The following XRCC4 variants were observed in gnomAD, a reference collection of about 807,000 sequenced individuals.
XRCC4 encodes X-ray repair cross complementing 4.
Under a neutral mutation model 39.1 loss-of-function variants are expected in XRCC4, and 28 were observed. The observed-to-expected ratio is 0.72, with a 90% CI of 0.53 to 0.98. The LOEUF is 0.98. Among genes scored for constraint, XRCC4 ranks in the 50% least tolerant of loss-of-function variants. XRCC4 has a pLI of 0.00. For synonymous variants in XRCC4, 123 were observed against 126.4 expected (o/e 0.97, Z 0.18); for missense variants, 350 against 376.4 (o/e 0.93, Z 0.58).
chr5:83,257,342 A>G (rs1480025427), intron 6 of XRCC4, among the ~76,000 whole-genome samples: 1 of 141,836 alleles, frequency 7.1e-6, no homozygotes, highest in African/African-American at 3.1e-5. Context: ...CAAAATTTAC[A>G]AGAAAAAAAA....
chr5:83,113,623 CTT>C (rs200720410), intron 3 of XRCC4, among the ~76,000 whole-genome samples: 20 of 143,990 alleles, frequency 1.4e-4, no homozygotes, highest in Admixed American at 2.8e-4. Context: ...ACATTTCTTT[CTT>C]TTTTTTTTTT....
intron 1 of XRCC4, among the ~76,000 whole-genome samples, chr5:83,079,705 T>G (rs953172071): frequency 6.6e-6 from 1 of 151,990 alleles, no homozygotes; most frequent in African/African-American, 2.4e-5. Flanking sequence ...GCTAATTTTA[T>G]TTTATTTTTT....
chr5:83,301,026 T>C (rs1271811995), intron 7 of XRCC4, among the ~76,000 whole-genome samples: 1 of 152,214 alleles, frequency 6.6e-6, no homozygotes, highest in East Asian at 1.9e-4. Context: ...TTATGAACAG[T>C]GCTGCAATAA....
chr5:83,180,953 A>C (rs917188288), intron 3 of XRCC4, among the ~76,000 whole-genome samples: 2 of 151,572 alleles, frequency 1.3e-5, no homozygotes, highest in Non-Finnish European at 2.9e-5. Flanking sequence ...TTATGTATGC[A>C]TGATAATTTA....
At chr5:83,187,282 G>A (rs1750495770) in intron 3 of XRCC4, among the ~76,000 whole-genome samples, 1 of 152,132 alleles carries the variant, frequency 6.6e-6, no homozygotes, top group Admixed American at 6.5e-5. Context: ...CTCTCTGTGT[G>A]TATCTTCACC....
intron 3 of XRCC4, among the ~76,000 whole-genome samples, chr5:83,129,088 CT>C (rs1361664191): frequency 6.6e-6 from 1 of 151,918 alleles, no homozygotes; most frequent in Non-Finnish European, 1.5e-5. Context: ...AGGTTTTCTT[CT>C]AGGGTTTTTA....
At chr5:83,362,316 A>AAACAAAAAAAAAAAC in the XRCC4 span, among the ~76,000 whole-genome samples, 1 of 145,954 alleles carries the variant, frequency 6.9e-6, no homozygotes, top group African/African-American at 2.8e-5. Context: ...AAAAAAAAAA[A>AAACAAAAAAAAAAAC]AACTATCTCA....
At chr5:83,356,710 C>T (rs1757193814), downstream of XRCC4, 1 of 454,322 alleles carries the variant, frequency 2.2e-6, no homozygotes, top group African/African-American at 2.0e-5. Flanking sequence ...TTTCTCCTCA[C>T]ATTTTTTTAA....
intron 3 of XRCC4, among the ~76,000 whole-genome samples, chr5:83,168,829 G>A (rs577873180): frequency 6.6e-6 from 1 of 152,254 alleles, no homozygotes; most frequent in South Asian, 2.1e-4. Flanking sequence ...AGAACTTGCC[G>A]CTAATGAATT....
chr5:83,198,108 A>G (rs1328205508), intron 4 of XRCC4, among the ~76,000 whole-genome samples: 1 of 152,130 alleles, frequency 6.6e-6, no homozygotes, highest in Admixed American at 6.6e-5. Flanking sequence ...ATAGGACATG[A>G]GCATATGGAG....
chr5:83,372,261 C>T, the XRCC4 span, among the ~76,000 whole-genome samples: 1 of 152,140 alleles, frequency 6.6e-6, no homozygotes, highest in Non-Finnish European at 1.5e-5. Flanking sequence ...GTGCAAATTT[C>T]CAAAGTGCAA....
At chr5:83,340,681 C>G (rs376612993) in intron 7 of XRCC4, among the ~76,000 whole-genome samples, 49 of 151,594 alleles carry the variant, frequency 3.2e-4, no homozygotes, top group African/African-American at 1.1e-3. Context: ...AAGTATACAG[C>G]TCTGCCAACT....
chr5:83,084,742 C>T (rs1030387301), intron 1 of XRCC4, among the ~76,000 whole-genome samples: 8 of 152,038 alleles, frequency 5.3e-5, no homozygotes, highest in African/African-American at 1.4e-4. Flanking sequence ...ACTAATTTTG[C>T]GTTTAAAATA....
At chr5:83,220,200 T>C (rs1752027855) in intron 6 of XRCC4, among the ~76,000 whole-genome samples, 1 of 152,172 alleles carries the variant, frequency 6.6e-6, no homozygotes, top group African/African-American at 2.4e-5. Flanking sequence ...CGTGGATCAT[T>C]TATTTGTTTG....
chr5:83,353,953 A>G (rs1757159666), downstream of XRCC4, among the ~76,000 whole-genome samples: 1 of 152,206 alleles, frequency 6.6e-6, no homozygotes, highest in Admixed American at 6.5e-5. Flanking sequence ...GGACCTTGTC[A>G]TAGCTATTTA....
At chr5:83,186,649 G>A (rs1446569969) in intron 3 of XRCC4, among the ~76,000 whole-genome samples, 1 of 152,204 alleles carries the variant, frequency 6.6e-6, no homozygotes, top group Non-Finnish European at 1.5e-5. Flanking sequence ...AGACATGGGG[G>A]AGGAGGGCTA....
chr5:83,323,226 A>G (rs543486964), intron 7 of XRCC4, among the ~76,000 whole-genome samples: 4 of 152,134 alleles, frequency 2.6e-5, no homozygotes, highest in African/African-American at 4.8e-5. Context: ...TTTGAAATGC[A>G]CAGTTTAAAT....
intron 3 of XRCC4, among the ~76,000 whole-genome samples, chr5:83,192,435 G>A (rs1410272810): frequency 2.6e-5 from 4 of 151,500 alleles, no homozygotes; most frequent in African/African-American, 9.7e-5. Context: ...AACCTCCTGA[G>A]TAGCTGGGAC....
intron 3 of XRCC4, among the ~76,000 whole-genome samples, chr5:83,146,798 T>C (rs1748475145): frequency 2.6e-5 from 4 of 152,346 alleles, no homozygotes; most frequent in Admixed American, 2.6e-4. Context: ...CTCTTATTTT[T>C]CTGTATGTTT....
Sources: gnomAD v4.1 joint callset for allele counts (sites outside exome capture counted in the v4.1 genomes callset) on GRCh38, gnomAD v4.1.1 for gene constraint, MANE v1.5 for transcripts, NCBI Gene and HGNC (gene_info 2026-07-23, HGNC 2026-07-21) for gene names.